The following DPYD variants were observed in gnomAD, a reference collection of about 807,000 sequenced individuals.
DPYD encodes dihydropyrimidine dehydrogenase [NADP(+)].
DPYD carries 109 observed loss-of-function variants against 116.2 expected under a neutral mutation model. The observed-to-expected ratio is 0.94, with a 90% CI of 0.80 to 1.10. The LOEUF (loss-of-function observed/expected upper bound fraction) is 1.10, where lower values mean the gene tolerates loss of function less well. DPYD is among the 50% of genes least tolerant of loss of function. The pLI, the probability that DPYD is intolerant of heterozygous loss-of-function variation, is 0.00. For missense variants in DPYD, 1,302 were observed against 1,254.5 expected (o/e 1.04, Z -0.57); for synonymous variants, 440 against 432.0 (o/e 1.02, Z -0.23).
chr1:97,558,435 TC>T (rs1389372832), intron 11 of DPYD, among the ~76,000 whole-genome samples: 5 of 151,384 alleles, frequency 3.3e-5, no homozygotes, highest in Non-Finnish European at 7.4e-5. Flanking sequence ...GATCTTATTT[TC>T]ACAATTAGTC....
intron 16 of DPYD, among the ~76,000 whole-genome samples, chr1:97,359,042 C>T (rs745325787): frequency 2.6e-5 from 4 of 152,002 alleles, no homozygotes; most frequent in Admixed American, 1.3e-4. Context: ...TCGAACCCAT[C>T]GCAAGGAAGC....
chr1:97,715,089 T>G (rs1341423882), intron 5 of DPYD, among the ~76,000 whole-genome samples: 3 of 152,120 alleles, frequency 2.0e-5, no homozygotes, highest in African/African-American at 7.2e-5. Flanking sequence ...TGCAGGACAC[T>G]GGGAGTTTAT....
At chr1:97,143,281 A>G (rs1654363270) in intron 20 of DPYD, among the ~76,000 whole-genome samples, 1 of 152,098 alleles carries the variant, frequency 6.6e-6, no homozygotes, top group Non-Finnish European at 1.5e-5. Flanking sequence ...GAATGGCTAT[A>G]TTGGAATCCT....
intron 16 of DPYD, among the ~76,000 whole-genome samples, chr1:97,340,305 T>C (rs147927224): frequency 6.6e-6 from 1 of 152,122 alleles, no homozygotes; most frequent in East Asian, 1.9e-4. Context: ...ATATAATGAT[T>C]ACAGGAATAA....
At chr1:97,803,772 G>A (rs772949661) in intron 3 of DPYD, among the ~76,000 whole-genome samples, 72 of 151,656 alleles carry the variant, frequency 4.7e-4, no homozygotes, top group Non-Finnish European at 1.2e-4. Context: ...ATGACTTAGG[G>A]TTATATTTCA....
At chr1:97,598,016 A>G (rs1485269566) in intron 8 of DPYD, among the ~76,000 whole-genome samples, 1 of 152,228 alleles carries the variant, frequency 6.6e-6, no homozygotes, top group African/African-American at 2.4e-5. Flanking sequence ...ATATGGATAA[A>G]CCATATATAT....
intron 8 of DPYD, among the ~76,000 whole-genome samples, chr1:97,642,525 A>C (rs956789181): frequency 2.6e-5 from 4 of 152,100 alleles, no homozygotes; most frequent in Admixed American, 6.6e-5. Context: ...TTGTTGGGAA[A>C]ACTGGCTAGC....
intron 16 of DPYD, among the ~76,000 whole-genome samples, chr1:97,342,347 T>C (rs1242760302): frequency 6.6e-6 from 1 of 152,190 alleles, no homozygotes; most frequent in African/African-American, 2.4e-5. Flanking sequence ...GTTGGAATGG[T>C]ATTTCAGTGA....
chr1:97,428,548 T>A (rs1017351098), intron 14 of DPYD, among the ~76,000 whole-genome samples: 2 of 152,030 alleles, frequency 1.3e-5, no homozygotes, highest in African/African-American at 4.8e-5. Flanking sequence ...GTTTCAGAGT[T>A]TGAGCTCATT....
chr1:97,536,159 A>G (rs964149462), intron 12 of DPYD, among the ~76,000 whole-genome samples: 1 of 152,214 alleles, frequency 6.6e-6, no homozygotes, highest in Admixed American at 6.5e-5. Context: ...AATGAGACTG[A>G]CCTGAAGTCA....
At chr1:97,155,636 A>G (rs570953754) in intron 20 of DPYD, among the ~76,000 whole-genome samples, 4 of 152,260 alleles carry the variant, frequency 2.6e-5, no homozygotes, top group African/African-American at 9.6e-5. Context: ...CTTATTTGAT[A>G]TTATTATTTC....
At position 97,203,714 on chromosome 1, in the gene DPYD, CGCATGG is replaced by C. The variant is rs150396199; in HGVS notation, c.2443-10472_2443-10467del. ...AGAAAAAGTCTATAGGGAAAATTAA[CGCATGG>C]AATTTTTTTCTGAACTCTGAAGATG... On this transcript the variant is annotated intron_variant, in intron 19 of 22. Coordinates refer to ENST00000370192, the MANE Select transcript of DPYD (RefSeq NM_000110.4). Among the ~76,000 whole-genome samples, 749 of 85,822 alleles carry C rather than the reference CGCATGG, an allele frequency of 8.7e-3. 81 individuals are homozygous for C. In the East Asian group the frequency reaches 0.23, roughly 27 times the overall value. The allele number at this position is 85,822 out of a possible 152,430, so 56.3% of individuals were successfully genotyped here.
chr1:97,114,203 G>A (rs1223679207), intron 20 of DPYD, among the ~76,000 whole-genome samples: 1 of 152,082 alleles, frequency 6.6e-6, no homozygotes, highest in African/African-American at 2.4e-5. Flanking sequence ...AGAGAGGTGA[G>A]GGTGGACATT....
chr1:97,741,319 A>T (rs1377302304), intron 3 of DPYD, among the ~76,000 whole-genome samples: 1 of 152,144 alleles, frequency 6.6e-6, no homozygotes, highest in East Asian at 1.9e-4. Context: ...CCTGCATATT[A>T]ATCTCATCTG....
At chr1:97,862,813 A>T (rs544547302) in intron 2 of DPYD, among the ~76,000 whole-genome samples, 1 of 151,910 alleles carries the variant, frequency 6.6e-6, no homozygotes, top group Non-Finnish European at 1.5e-5. Context: ...TTTTATAGTC[A>T]ATTCAAAAAA....
chr1:97,885,651 A>C (rs985857152), intron 1 of DPYD, among the ~76,000 whole-genome samples: 1 of 152,108 alleles, frequency 6.6e-6, no homozygotes, highest in Non-Finnish European at 1.5e-5. Context: ...CTTAACTTAC[A>C]AACAGCTACT....
chr1:97,296,174 T>C (rs1036154006), intron 18 of DPYD: 1 of 152,204 alleles, frequency 6.6e-6, no homozygotes, highest in Non-Finnish European at 1.5e-5. Context: ...ATATTGGTGT[T>C]GGTTTTGAGA....
At chr1:97,129,992 T>C (rs1164906119) in intron 20 of DPYD, among the ~76,000 whole-genome samples, 1 of 152,188 alleles carries the variant, frequency 6.6e-6, no homozygotes, top group Non-Finnish European at 1.5e-5. Flanking sequence ...TTCCTGTTGA[T>C]ATTCTATTAG....
chr1:97,821,710 A>G (rs534100733), intron 3 of DPYD, among the ~76,000 whole-genome samples: 2 of 152,208 alleles, frequency 1.3e-5, no homozygotes, highest in African/African-American at 4.8e-5. Flanking sequence ...CTAGTATTCT[A>G]TATGCTAAGA....
Sources: allele counts gnomAD v4.1 joint callset (sites outside exome capture counted in the v4.1 genomes callset), GRCh38; gene constraint gnomAD v4.1.1; transcripts MANE v1.5; gene names NCBI Gene and HGNC (gene_info 2026-07-23, HGNC 2026-07-21).